GRK1: variants seen among roughly 807,000 people sequenced by gnomAD.
GRK1 encodes the protein rhodopsin kinase GRK1.
Under a neutral mutation model 41.7 loss-of-function variants are expected in GRK1, and 28 were observed. The ratio of observed to expected loss-of-function variants is 0.67; its 90% CI spans 0.50 to 0.92. The LOEUF is 0.92. Among genes scored for constraint, GRK1 ranks in the 40% least tolerant of loss-of-function variants. The pLI is 0.00. For missense variants in GRK1, 703 were observed against 671.2 expected (o/e 1.05, Z -0.52); for synonymous variants, 327 against 286.7 (o/e 1.14, Z -1.42).
the GRK1 span, chr13:113,653,409 G>A: frequency 1.6e-5 from 26 of 1,614,070 alleles, no homozygotes; most frequent in Middle Eastern, 1.6e-4. Flanking sequence ...CTTTCTCCCC[G>A]TAAACATCCG....
chr13:113,667,152 G>A (rs144501042), upstream of GRK1: 8,500 of 511,168 alleles, frequency 0.017, 146 homozygotes, highest in Non-Finnish European at 0.02. The surrounding 1 kb of genome is among the most constrained non-coding windows in gnomAD (Gnocchi z 7.5). Flanking sequence ...ACTCCTAAGC[G>A]TCCTCCGTGA....
Position 113,668,015 on chromosome 13 carries a change from A to G in GRK1, c.629A>G (p.Lys210Arg), listed in dbSNP as rs937573594. The part of the protein sequence containing the change: ...GFGEVSACQM[K>R]ATGKLYACKK... ...GGGGAGGTGTCGGCCTGCCAGATGA[A>G]GGCGACCGGCAAGCTGTATGCCTGC... is the stretch of plus-strand genomic sequence containing the variant. Residue 210 changes from lysine (K) to arginine (R), a missense_variant, in exon 1 of 7, where the codon AAG becomes AGG. Physicochemically the swap from Lys to Arg is conservative, Grantham distance 26 (BLOSUM62 2). Transcript: ENST00000335678. 1.9e-6 allele frequency: 3 copies of G among 1,611,462 alleles called. No homozygotes were observed. The African/African-American group carries it at 4.0e-5, about 22-fold the overall frequency.
chr13:113,648,347 G>A, the GRK1 span, among the ~76,000 whole-genome samples: 5 of 152,210 alleles, frequency 3.3e-5, no homozygotes, highest in Non-Finnish European at 4.4e-5. Flanking sequence ...GGGGGCTGAC[G>A]GACTTCGACG....
At chr13:113,670,972 C>T (rs998273977) in intron 2 of GRK1, among the ~76,000 whole-genome samples, 3 of 152,106 alleles carry the variant, frequency 2.0e-5, no homozygotes, top group Non-Finnish European at 4.4e-5. Flanking sequence ...TTTCCTGTGA[C>T]GATACTCCTG....
At chr13:113,670,362 C>T (rs1263934146) in intron 2 of GRK1, among the ~76,000 whole-genome samples, 2 of 152,198 alleles carry the variant, frequency 1.3e-5, no homozygotes, top group African/African-American at 2.4e-5. Context: ...GTAGCTGGGC[C>T]GCTTAGCCAC....
the GRK1 span, among the ~76,000 whole-genome samples, chr13:113,658,400 G>A: frequency 3.3e-5 from 5 of 152,360 alleles, no homozygotes; most frequent in African/African-American, 7.2e-5. Context: ...CTCTTGGGAC[G>A]CCCTTGGCTG....
chr13:113,734,023 CGTGCGTGT>C (rs1193284304), intron 6 of GRK1, among the ~76,000 whole-genome samples: 1 of 90,642 alleles, frequency 1.1e-5, no homozygotes, highest in African/African-American at 5.3e-5. Context: ...CATGTGTGTG[CGTGCGTGT>C]GCGTATGTGT....
At chr13:113,662,691 C>G (rs1404425417), upstream of GRK1, among the ~76,000 whole-genome samples, 2 of 152,120 alleles carry the variant, frequency 1.3e-5, no homozygotes, top group African/African-American at 4.8e-5. Flanking sequence ...AACACAATAC[C>G]ATTTATGATT....
chr13:113,658,278 G>A, the GRK1 span: 1 of 822,714 alleles, frequency 1.2e-6, no homozygotes. Flanking sequence ...ATCCCAGGGA[G>A]AGGCCAGGGC....
the GRK1 span, among the ~76,000 whole-genome samples, chr13:113,661,817 G>C: frequency 6.6e-6 from 1 of 152,130 alleles, no homozygotes; most frequent in African/African-American, 2.4e-5. Context: ...TAACTATTAA[G>C]GAAACTGAAT....
At position 113,731,710 on chromosome 13, in the gene GRK1, G is replaced by T. The variant is rs1032334179; in HGVS notation, c.1194+367G>T. Among the ~76,000 whole-genome samples, 27 of 152,272 alleles carry T rather than the reference G, an allele frequency of 1.8e-4. No homozygotes were observed. Among genetic ancestry groups the T allele is most frequent in the African/African-American group, 6.0e-4 (25 of 41,574 alleles). ...AGGGAGGGCGACTTATCCCACTGTT[G>T]CCCCAGACCCTGGGCAGTGGGACAA... On this transcript the variant is annotated intron_variant, in intron 5 of 6. Coordinates refer to ENST00000335678, the MANE Select transcript of GRK1 (RefSeq NM_002929.3). This position sits in a 1 kb window ranked among gnomAD's most constrained non-coding sequence, Gnocchi z 5.6.
At position 113,671,612 on chromosome 13, in the gene GRK1, T is replaced by C. The variant is rs747006257; in HGVS notation, c.941T>C (p.Val314Ala). 1 of 771,800 alleles carries C rather than the reference T, an allele frequency of 1.3e-6. No individual in the cohort carries two copies. The highest frequency in any genetic ancestry group is 1.3e-5 in the South Asian group (1 of 74,588). The allele number at this position is 771,800 out of a possible 1,614,324, so 47.8% of individuals were successfully genotyped here. The change falls in exon 3 of 7, where the codon GTC becomes GCC. Residue 314 changes from valine (V) to alanine (A), a missense_variant. Transcript: ENST00000335678. The surrounding 1 kb of genome is among the most constrained non-coding windows in gnomAD (Gnocchi z 4.1). Reference sequence around the variant, plus strand: ...GAGCACCTGCACCAGAGGCGGATCGTCTACCGCGACCTCAAGCCCGAGAAC... The same window carrying C: ...GAGCACCTGCACCAGAGGCGGATCGCCTACCGCGACCTCAAGCCCGAGAAC... ...GLEHLHQRRI[V>A]YRDLKPENVL... is the part of the protein sequence containing the mutation.
intron 1 of GRK1, 36 bp downstream of exon 1, chr13:113,668,121 G>T (rs1312274284): frequency 2.6e-6 from 4 of 1,568,116 alleles, no homozygotes; most frequent in Non-Finnish European, 3.5e-6. Context: ...GGATGGGGTG[G>T]CAGGGTGCAG....
chr13:113,736,720 G>A lies in GRK1; in HGVS notation c.*1357G>A, dbSNP rs2050007131. The stretch of plus-strand genomic sequence containing the variant: ...GAACTTCCTTTGAGCCCCGGCCACT[G>A]TTGTACCAGTGGGAGAAGAAGCCTG... On this transcript the variant is annotated 3_prime_UTR_variant, in exon 7 of 7. Coordinates refer to ENST00000335678, the MANE Select transcript of GRK1 (RefSeq NM_002929.3). 1 of 152,244 alleles carries A rather than the reference G, an allele frequency of 6.6e-6. No individual in the cohort carries two copies. Among genetic ancestry groups the A allele is most frequent in the African/African-American group, 2.4e-5 (1 of 41,458 alleles). 9.4% of individuals were successfully genotyped at this position (152,244 alleles called of 1,614,324 possible).
rs771233667 is a variant in GRK1 at position 113,668,106 on chromosome 13, A to AGCAGGGATGGGGTGGCAGGGT, written c.699+34_699+54dup. 1.9e-4 allele frequency: 309 copies of AGCAGGGATGGGGTGGCAGGGT among 1,585,624 alleles called. 2 individuals carry two copies. Among genetic ancestry groups the AGCAGGGATGGGGTGGCAGGGT allele is most frequent in the Admixed American group, 3.3e-4 (18 of 55,374 alleles). On this transcript the variant is annotated intron_variant, in intron 1 of 6. Coordinates refer to ENST00000335678, the MANE Select transcript of GRK1 (RefSeq NM_002929.3). ...ACCAGGTGAGCAGCGCGACCCGGCC[A>AGCAGGGATGGGGTGGCAGGGT]GCAGGGATGGGGTGGCAGGGTGCAG...
At position 113,667,369 on chromosome 13, in the gene GRK1, C is replaced by T. The variant is rs375724750; in HGVS notation, c.-18C>T. 36 of 1,528,778 alleles carry T rather than the reference C, an allele frequency of 2.4e-5. No individual in the cohort carries two copies. Among genetic ancestry groups the T allele is most frequent in the Middle Eastern group, 3.5e-4 (2 of 5,760 alleles). The allele number at this position is 1,528,778 out of a possible 1,614,324, so 94.7% of individuals were successfully genotyped here. Reference sequence around the variant, plus strand: ...GGCTGATGGGCCCTCACGCCTGAAGCGGGCAGGAAGCTCCGGGATGGATTT... The same window carrying T: ...GGCTGATGGGCCCTCACGCCTGAAGTGGGCAGGAAGCTCCGGGATGGATTT... On this transcript the variant is annotated 5_prime_UTR_variant, in exon 1 of 7. Coordinates refer to ENST00000335678, the MANE Select transcript of GRK1 (RefSeq NM_002929.3). The surrounding 1 kb of genome is among the most constrained non-coding windows in gnomAD (Gnocchi z 7.5).
the GRK1 span, among the ~76,000 whole-genome samples, chr13:113,656,693 G>T: frequency 6.6e-6 from 1 of 152,162 alleles, no homozygotes; most frequent in African/African-American, 2.4e-5. Context: ...TTTTGTTTTT[G>T]TCATTTCACT....
the GRK1 span, chr13:113,658,184 C>G: frequency 6.4e-7 from 1 of 1,573,914 alleles, no homozygotes; most frequent in Non-Finnish European, 8.7e-7. Flanking sequence ...TCCCTGCACC[C>G]TCTACGCCCA....
chr13:113,651,047 C>T, the GRK1 span, among the ~76,000 whole-genome samples: 6 of 148,946 alleles, frequency 4.0e-5, no homozygotes, highest in African/African-American at 1.0e-4. Flanking sequence ...CAAATCCCCG[C>T]GGCCCCCACC....
Sources: gnomAD v4.1 joint callset for allele counts (sites outside exome capture counted in the v4.1 genomes callset) on GRCh38, gnomAD v4.1.1 for gene constraint, Gnocchi (gnomAD v3.1) non-coding constraint, MANE v1.5 for transcripts, NCBI Gene and HGNC (gene_info 2026-07-23, HGNC 2026-07-21) for gene names.